The following IRF2 variants were observed in gnomAD, a reference collection of about 807,000 sequenced individuals.
IRF2 encodes interferon regulatory factor 2.
A neutral mutation model predicts 40.6 loss-of-function variants in IRF2; 15 were observed. The ratio of observed to expected loss-of-function variants is 0.37; its 90% CI spans 0.25 to 0.57. The LOEUF (loss-of-function observed/expected upper bound fraction) is 0.57, where lower values mean the gene tolerates loss of function less well. Ranked by LOEUF, IRF2 falls within the 20% of genes least tolerant of loss-of-function variation. The pLI, the probability that IRF2 is intolerant of heterozygous loss-of-function variation, is 0.77. For missense variants in IRF2, 317 were observed against 455.7 expected, an observed-to-expected ratio of 0.70 and a Z score of 2.77; for synonymous variants, 151 against 165.5, an observed-to-expected ratio of 0.91 and a Z score of 0.67.
At chr4:184,458,960 C>T (rs768318725) in intron 1 of IRF2, among the ~76,000 whole-genome samples, 7 of 151,820 alleles carry the variant, frequency 4.6e-5, no homozygotes, top group South Asian at 4.2e-4. Flanking sequence ...TCTGTTATTA[C>T]GGCAATATTT....
rs185095187 is a variant in IRF2, at chr4:184,439,379, C to T, written c.-6-10309G>A. On this transcript the variant is annotated intron_variant, in intron 1 of 8. Transcript: ENST00000393593. Reference sequence around the variant, plus strand: ...AAAAAAAAAAAAAAGGTCCCTGGCCCCACTCTAATAAGAACCGGGAATTTT... The same window carrying T: ...AAAAAAAAAAAAAAGGTCCCTGGCCTCACTCTAATAAGAACCGGGAATTTT... Among the ~76,000 whole-genome samples, 25 of 149,978 alleles carry T rather than the reference C, an allele frequency of 1.7e-4. No individual in the cohort carries two copies. In the East Asian group the frequency reaches 2.1e-3, roughly 13 times the overall value.
chr4:184,463,760 T>C (rs3822124), intron 1 of IRF2, among the ~76,000 whole-genome samples: 90,373 of 151,990 alleles, frequency 0.59, 27,340 homozygotes, highest in African/African-American at 0.7. Context: ...TCCATGTTCA[T>C]AAAGAGAGTG....
intron 3 of IRF2, 142 bp downstream of exon 3, chr4:184,419,327 T>A: frequency 3.1e-6 from 2 of 655,410 alleles, no homozygotes; most frequent in Non-Finnish European, 5.5e-6. Flanking sequence ...GTACCCCATG[T>A]GTCCTGGATG....
intron 1 of IRF2, among the ~76,000 whole-genome samples, chr4:184,431,361 T>C (rs1266954345): frequency 6.6e-6 from 1 of 152,084 alleles, no homozygotes; most frequent in Non-Finnish European, 1.5e-5. Context: ...ATCTAGGAAC[T>C]CCCAACCTAA....
At chr4:184,433,023 G>A (rs1318182620) in intron 1 of IRF2, among the ~76,000 whole-genome samples, 2 of 152,200 alleles carry the variant, frequency 1.3e-5, no homozygotes, top group African/African-American at 2.4e-5. Context: ...GGCCCCTGTG[G>A]ACAGCAGTCA....
At chr4:184,438,276 A>G (rs1248534361) in intron 1 of IRF2, among the ~76,000 whole-genome samples, 1 of 152,220 alleles carries the variant, frequency 6.6e-6, no homozygotes, top group Non-Finnish European at 1.5e-5. Flanking sequence ...GACTCCAAAG[A>G]ATATGCCAGA....
chr4:184,434,054 C>T (rs1366097800), intron 1 of IRF2, among the ~76,000 whole-genome samples: 1 of 152,210 alleles, frequency 6.6e-6, no homozygotes, highest in East Asian at 1.9e-4. Context: ...AAGAAAGATG[C>T]TTACTCGGTA....
In IRF2 at chr4:184,448,577, T is replaced by C. The variant is rs1738600772; in HGVS notation, c.-6-19507A>G. ...CAGCCAAACTTCTGTGCTAATTCAA[T>C]AGAAGTTATTTATGTTTTATATTTT... On this transcript the variant is annotated intron_variant, in intron 1 of 8. Coordinates refer to ENST00000393593, the MANE Select transcript of IRF2 (RefSeq NM_002199.4). This position sits in a 1 kb window ranked among gnomAD's most constrained non-coding sequence, Gnocchi z 4.3. 1 of 152,208 alleles carries C rather than the reference T, an allele frequency of 6.6e-6. No individual in the cohort carries two copies. The highest frequency in any genetic ancestry group is 6.5e-5 in the Admixed American group (1 of 15,286). 9.4% of individuals were successfully genotyped at this position (152,208 alleles called of 1,614,324 possible).
Position 184,419,571 on chromosome 4 carries a change from G to GAAAAAAAAA in IRF2, c.88-12_88-4dup. Reference sequence around the variant, plus strand: ...GGGATCTGAAAAATCTTCTTTTCCTGAAAAAAAAAAAAAAAAAAAAGGTAA... The same window carrying GAAAAAAAAA: ...GGGATCTGAAAAATCTTCTTTTCCTGAAAAAAAAAAAAAAAAAAAAAAAAAAAAAGGTAA... On this transcript the variant is annotated splice_polypyrimidine_tract_variant and splice_region_variant and intron_variant, in intron 2 of 8. Coordinates refer to ENST00000393593, the MANE Select transcript of IRF2 (RefSeq NM_002199.4). The GAAAAAAAAA allele has an allele frequency of 1.2e-5, 11 of 911,522 alleles. No homozygotes were observed. Among genetic ancestry groups the GAAAAAAAAA allele is most frequent in the South Asian group, 3.1e-5 (2 of 64,586 alleles). The allele number at this position is 911,522 out of a possible 1,614,324, so 56.5% of individuals were successfully genotyped here. A position where few individuals can be genotyped will look rare whatever the true frequency, so the allele number is the denominator to read the frequency against.
intron 3 of IRF2, 53 bp from the exon 4 acceptor site, chr4:184,418,761 G>A (rs1737371823): frequency 6.7e-7 from 1 of 1,492,794 alleles, no homozygotes; most frequent in South Asian, 1.2e-5. Flanking sequence ...AGATACAGAG[G>A]AAGGAATTTC....
intron 1 of IRF2, among the ~76,000 whole-genome samples, chr4:184,446,092 AAGGT>A (rs772767311): frequency 5.7e-4 from 87 of 152,292 alleles, no homozygotes; most frequent in Non-Finnish European, 1.2e-3. Flanking sequence ...CAGCCACCAG[AAGGT>A]AGGAGAGAGG....
At chr4:184,437,651 T>C (rs1257953589) in intron 1 of IRF2, among the ~76,000 whole-genome samples, 1 of 152,176 alleles carries the variant, frequency 6.6e-6, no homozygotes, top group Non-Finnish European at 1.5e-5. Context: ...GGGTCTCAGA[T>C]GCCCAGCTAG....
intron 1 of IRF2, among the ~76,000 whole-genome samples, chr4:184,441,425 T>C (rs996477912): frequency 2.6e-5 from 4 of 152,224 alleles, no homozygotes; most frequent in African/African-American, 7.2e-5. Flanking sequence ...GTCAGGTGTC[T>C]GGTGGAAAGA....
intron 6 of IRF2, among the ~76,000 whole-genome samples, chr4:184,405,314 G>A (rs1008941122): frequency 2.6e-5 from 4 of 152,118 alleles, no homozygotes; most frequent in South Asian, 2.1e-4. Flanking sequence ...ATCTGGGAGC[G>A]GAAGTGTGGA....
chr4:184,444,989 C>T (rs956159257), intron 1 of IRF2, among the ~76,000 whole-genome samples: 8 of 152,210 alleles, frequency 5.3e-5, no homozygotes, highest in African/African-American at 1.9e-4. Context: ...GGACCACGCG[C>T]AAACTTCCAG....
chr4:184,469,604 G>A (rs1266000271), intron 1 of IRF2, among the ~76,000 whole-genome samples: 2 of 152,230 alleles, frequency 1.3e-5, no homozygotes, highest in African/African-American at 4.8e-5. Flanking sequence ...GTGCCCAGGA[G>A]TTTGAGCCTG....
Position 184,408,115 on chromosome 4 carries a change from G to A in IRF2, c.529+43C>T. 2 of 1,177,084 alleles carry A rather than the reference G, an allele frequency of 1.7e-6. No individual in the cohort carries two copies. The highest frequency in any genetic ancestry group is 2.5e-6 in the Non-Finnish European group (2 of 788,984). The allele number at this position is 1,177,084 out of a possible 1,614,324, so 72.9% of individuals were successfully genotyped here. The stretch of plus-strand genomic sequence containing the variant: ...GTTTTACAAATTTTAGGCCCCAGGG[G>A]GCTGCTGGTATGTATAAAAAATGAG... On this transcript the variant is annotated intron_variant, in intron 6 of 8. Transcript: ENST00000393593. This position sits in a 1 kb window ranked among gnomAD's most constrained non-coding sequence, Gnocchi z 4.9.
chr4:184,401,769 A>G (rs1736675091), intron 6 of IRF2, among the ~76,000 whole-genome samples: 1 of 152,190 alleles, frequency 6.6e-6, no homozygotes, highest in Non-Finnish European at 1.5e-5. Flanking sequence ...GGGCGCAGCG[A>G]TACCTTGCAT....
intron 2 of IRF2, among the ~76,000 whole-genome samples, chr4:184,420,405 G>T (rs977769134): frequency 2.0e-5 from 3 of 152,174 alleles, no homozygotes; most frequent in Non-Finnish European, 4.4e-5. Context: ...AACAGAAATA[G>T]AAAGTAATGT....
Sources: gnomAD v4.1 joint callset for allele counts (sites outside exome capture counted in the v4.1 genomes callset) on GRCh38, gnomAD v4.1.1 for gene constraint, Gnocchi (gnomAD v3.1) non-coding constraint, MANE v1.5 for transcripts, NCBI Gene and HGNC (gene_info 2026-07-23, HGNC 2026-07-21) for gene names.